The following CPLANE1 variants were observed in gnomAD, a reference collection of about 807,000 sequenced individuals.
The protein encoded by CPLANE1 is ciliogenesis and planar polarity effector complex subunit 1.
In CPLANE1, 263 loss-of-function variants were observed where a neutral mutation model predicts 362.5. That is an observed-to-expected ratio of 0.73 (90% CI 0.66 to 0.80). CPLANE1 has a LOEUF of 0.80. Among genes scored for constraint, CPLANE1 ranks in the 30% least tolerant of loss-of-function variants. The pLI is 0.00. For synonymous variants in CPLANE1, 1,212 were observed against 1,302.6 expected, an observed-to-expected ratio of 0.93 and a Z score of 1.50; for missense variants, 3,461 against 3,793.4, an observed-to-expected ratio of 0.91 and a Z score of 2.30.
At position 37,115,055 on chromosome 5, in the gene CPLANE1, C is replaced by G. The variant is rs1554046449; in HGVS notation, c.9311-6G>C. The G allele has an allele frequency of 6.4e-7, 1 of 1,572,786 alleles. No homozygotes were observed. Among genetic ancestry groups the G allele is most frequent in the South Asian group, 1.1e-5 (1 of 89,132 alleles). On this transcript the variant is annotated splice_polypyrimidine_tract_variant and splice_region_variant and intron_variant, in intron 50 of 52. Transcript: ENST00000651892. Reference sequence around the variant, plus strand: ...TATGGTGAAAGTGGCAGTTCCTATACAGAGAGACAAACATTATTAGCCTTC... The same window carrying G: ...TATGGTGAAAGTGGCAGTTCCTATAGAGAGAGACAAACATTATTAGCCTTC...
At chr5:37,076,253 CAAAA>C in the CPLANE1 span, among the ~76,000 whole-genome samples, 3 of 138,728 alleles carry the variant, frequency 2.2e-5, no homozygotes. Context: ...GACCCTGTCT[CAAAA>C]AAAAAAAAAA....
Position 37,183,668 on chromosome 5 carries a change from T to C in CPLANE1, c.4513A>G (p.Ile1505Val), listed in dbSNP as rs745833276. Residue 1505 changes from isoleucine to valine, a missense_variant, in exon 26 of 53, where the codon ATT (isoleucine) becomes GTT (valine). Ile to Val is a conservative substitution (Grantham distance 29). This residue lies in a region of CPLANE1 where 3,380 missense variants were observed against 3,666.1 expected (regional missense o/e 0.92). Coordinates refer to ENST00000651892, the MANE Select transcript of CPLANE1 (RefSeq NM_001384732.1). ...NAPNHMELTS[I>V]HKPTDKRKMC... ...TTCCTTTTATCAGTTGGCTTATGAA[T>C]TGATGTTAATTCCATGTGATTTGGG... The C allele has an allele frequency of 1.2e-5, 20 of 1,603,660 alleles. No homozygotes were observed. Among genetic ancestry groups the C allele is most frequent in the Middle Eastern group, 3.5e-4 (2 of 5,786 alleles).
chr5:37,175,796 T>C lies in CPLANE1; in HGVS notation c.5978+113A>G, dbSNP rs563265583. 21 of 720,718 alleles carry C rather than the reference T, an allele frequency of 2.9e-5. 1 individual carries two copies. The highest frequency in any genetic ancestry group is 2.1e-4 in the Admixed American group (9 of 41,916). The allele number at this position is 720,718 out of a possible 1,614,324, so 44.6% of individuals were successfully genotyped here. ...TTTATGTTGCTTTCATTTTTCTTAG[T>C]TTTTAGTCAAAATGTAGCAATTGTT... On this transcript the variant is annotated intron_variant, in intron 31 of 52. Transcript: ENST00000651892.
At chr5:37,190,419 A>C (rs1785204961) in intron 21 of CPLANE1, among the ~76,000 whole-genome samples, 1 of 151,812 alleles carries the variant, frequency 6.6e-6, no homozygotes, top group African/African-American at 2.4e-5. Flanking sequence ...AAATGAAAAA[A>C]AAAAACAAAA....
chr5:37,145,027 CGGGCGTGGTGGCTCACGCCTGTAATCCCA>C (rs1179814491), intron 43 of CPLANE1, among the ~76,000 whole-genome samples: 2 of 151,896 alleles, frequency 1.3e-5, no homozygotes, highest in Non-Finnish European at 2.9e-5. Context: ...TATCAGAGGC[CGGGCGTGGTGGCTCACGCCTGTAATCCCA>C]GCACTTTGGA....
chr5:37,207,857 C>T (rs1791240173), intron 16 of CPLANE1, among the ~76,000 whole-genome samples: 1 of 152,200 alleles, frequency 6.6e-6, no homozygotes, highest in Admixed American at 6.5e-5. Context: ...CTTACATCAT[C>T]TGGCCCCTTT....
At chr5:37,246,656 G>A (rs1270095233) in intron 2 of CPLANE1, among the ~76,000 whole-genome samples, 1 of 152,104 alleles carries the variant, frequency 6.6e-6, no homozygotes, top group Non-Finnish European at 1.5e-5. Flanking sequence ...GATTTTCAAG[G>A]TATAACTGAG....
chr5:37,237,313 G>A (rs1406375705), intron 8 of CPLANE1, among the ~76,000 whole-genome samples: 1 of 152,148 alleles, frequency 6.6e-6, no homozygotes, highest in Non-Finnish European at 1.5e-5. Flanking sequence ...GGATGGAACT[G>A]GAGGTCATTA....
intron 21 of CPLANE1, among the ~76,000 whole-genome samples, chr5:37,194,083 G>A (rs572524775): frequency 5.3e-5 from 8 of 152,024 alleles, no homozygotes; most frequent in Admixed American, 1.3e-4. Flanking sequence ...CACTATGCCT[G>A]GCTAATTTTT....
chr5:37,182,527 C>A (rs909771212), intron 26 of CPLANE1, among the ~76,000 whole-genome samples: 4 of 151,694 alleles, frequency 2.6e-5, no homozygotes, highest in African/African-American at 9.7e-5. Context: ...TCCTTTTTTT[C>A]TTTTTTATAA....
In CPLANE1 at chr5:37,209,922, T is replaced by C. The variant is rs537805905; in HGVS notation, c.2921-3497A>G. The C allele has an allele frequency of 2.9e-6, 4 of 1,395,372 alleles. No individual in the cohort carries two copies. The highest frequency in any genetic ancestry group is 2.3e-5 in the East Asian group (1 of 43,856). 86.4% of individuals were successfully genotyped at this position (1,395,372 alleles called of 1,614,324 possible). On this transcript the variant is annotated intron_variant, in intron 16 of 52. Transcript: ENST00000651892. The surrounding 1 kb of genome is among the most constrained non-coding windows in gnomAD (Gnocchi z 4.6). ...TATTGATGATCAGTTTGCAGATGCT[T>C]ACCCTCAGCGTATCAAGTTTGAGTC...
At chr5:37,196,995 C>G (rs1235881639) in intron 20 of CPLANE1, among the ~76,000 whole-genome samples, 1 of 151,354 alleles carries the variant, frequency 6.6e-6, no homozygotes, top group Non-Finnish European at 1.5e-5. Flanking sequence ...CCTCAATGAG[C>G]ACAGATTAAT....
chr5:37,202,158 C>CTT (rs34033701), intron 18 of CPLANE1, among the ~76,000 whole-genome samples: 8 of 141,156 alleles, frequency 5.7e-5, no homozygotes, highest in Admixed American at 2.1e-4. Flanking sequence ...GTAACTTTTC[C>CTT]TTTTTTTTTT....
intron 44 of CPLANE1, chr5:37,141,726 T>C (rs1769779754): frequency 2.0e-6 from 2 of 983,434 alleles, no homozygotes; most frequent in Non-Finnish European, 2.4e-6. Flanking sequence ...ATGTATTTAC[T>C]ATGTTCTATT....
At position 37,224,534 on chromosome 5, in the gene CPLANE1, T is replaced by C. The variant is rs980898617; in HGVS notation, c.2498A>G (p.Asn833Ser). The change falls in exon 13 of 53, where the codon AAT (asparagine) becomes AGT (serine). Residue 833 changes from asparagine (N) to serine (S), a missense_variant and splice_region_variant. Transcript: ENST00000651892. ...LNQTLELKSI[N>S]GEECFLLGSY... ...GAAAATATTCATAAGATACTGACCA[T>C]TGATAGATTTAAGTTCTAAGGTTTG... 6.5e-6 allele frequency: 10 copies of C among 1,540,830 alleles called. No homozygotes were observed. Among genetic ancestry groups the C allele is most frequent in the African/African-American group, 4.1e-5 (3 of 72,834 alleles).
chr5:37,142,956 T>C (rs1314802924), intron 43 of CPLANE1, among the ~76,000 whole-genome samples: 2 of 152,224 alleles, frequency 1.3e-5, no homozygotes, highest in Non-Finnish European at 2.9e-5. Flanking sequence ...GCTTTGTCCA[T>C]AAAATAGGAA....
chr5:37,117,993 C>A (rs189747580), intron 50 of CPLANE1, among the ~76,000 whole-genome samples: 1 of 152,240 alleles, frequency 6.6e-6, no homozygotes, highest in African/African-American at 2.4e-5. Flanking sequence ...TTAATTCTGG[C>A]AAATATATCA....
intron 47 of CPLANE1, among the ~76,000 whole-genome samples, chr5:37,123,356 G>C (rs1763197643): frequency 6.6e-6 from 1 of 151,882 alleles, no homozygotes; most frequent in Non-Finnish European, 1.5e-5. Context: ...CTGTGGAGAA[G>C]TTGTCACTAG....
At chr5:37,147,971 CAAAAAAAAAAAAAA>C (rs11284644) in intron 43 of CPLANE1, among the ~76,000 whole-genome samples, 196 bp downstream of exon 43, 1 of 15,314 alleles carries the variant, frequency 6.5e-5, no homozygotes, top group East Asian at 3.9e-3. Flanking sequence ...ACTGCCTTCT[CAAAAAAAAAAAAAA>C]AAAAAAAAAA....
Sources: gnomAD v4.1 joint callset for allele counts (sites outside exome capture counted in the v4.1 genomes callset) on GRCh38, gnomAD v4.1.1 for gene constraint, gnomAD v4.1.1 regional missense constraint, Gnocchi (gnomAD v3.1) non-coding constraint, MANE v1.5 for transcripts, NCBI Gene and HGNC (gene_info 2026-07-23, HGNC 2026-07-21) for gene names.